ITGA8: variants seen among roughly 807,000 people sequenced by gnomAD.
ITGA8 encodes integrin alpha-8.
A neutral mutation model predicts 142.3 loss-of-function variants in ITGA8; 91 were observed. The ratio of observed to expected loss-of-function variants is 0.64; its 90% CI spans 0.54 to 0.76. ITGA8 has a LOEUF of 0.76. ITGA8 is among the 30% of genes least tolerant of loss of function. The probability of loss-of-function intolerance (pLI) is 0.00; values close to 1 mark genes in which losing one functional copy is unlikely to be tolerated. For missense variants in ITGA8, 1,406 were observed against 1,327.7 expected, an observed-to-expected ratio of 1.06 and a Z score of -0.92; for synonymous variants, 505 against 485.2, an observed-to-expected ratio of 1.04 and a Z score of -0.54.
At position 15,558,145 on chromosome 10, in the gene ITGA8, T is replaced by C. The variant is rs1009018078; in HGVS notation, c.2695A>G (p.Ile899Val). 9.9e-6 allele frequency: 16 copies of C among 1,614,096 alleles called. No individual in the cohort carries two copies. The highest frequency in any genetic ancestry group is 2.7e-5 in the African/African-American group (2 of 74,924). ...ELSAFLRNST[I>V]PHLVRKRDVH... ...TCCCTCTTCCTGACAAGATGAGGAA[T>C]AGTAGAGTTTCGCAAAAAGGCGCTG... The change falls in exon 26 of 30, where the codon ATT becomes GTT. Residue 899 changes from isoleucine to valine, a missense_variant. Transcript: ENST00000378076.
chr10:15,640,968 G>A (rs1398691096), intron 13 of ITGA8, among the ~76,000 whole-genome samples: 1 of 152,186 alleles, frequency 6.6e-6, no homozygotes, highest in Non-Finnish European at 1.5e-5. Context: ...TGATGGGTGT[G>A]AGCCAGATAT....
chr10:15,532,418 C>CAAAAAAAAAAAAA lies in ITGA8; in HGVS notation c.2881-1280_2881-1268dup. On this transcript the variant is annotated intron_variant, in intron 27 of 29. Coordinates refer to ENST00000378076, the MANE Select transcript of ITGA8 (RefSeq NM_003638.3). ...TGCGCAACCGAGTGAGACTCCCTCT[C>CAAAAAAAAAAAAA]AAAAAAAAAAAAAAAAAAAAAAAAA... 1.9e-3 allele frequency among the ~76,000 whole-genome samples: 54 copies of CAAAAAAAAAAAAA among 27,840 alleles called. 8 individuals carry two copies. Among genetic ancestry groups the CAAAAAAAAAAAAA allele is most frequent in the African/African-American group, 0.01 (48 of 4,758 alleles). The allele number at this position is 27,840 out of a possible 152,430, so 18.3% of individuals were successfully genotyped here. A position where few individuals can be genotyped will look rare whatever the true frequency, so the allele number is the denominator to read the frequency against.
At chr10:15,673,313 G>C (rs549137844) in intron 6 of ITGA8, among the ~76,000 whole-genome samples, 1 of 152,260 alleles carries the variant, frequency 6.6e-6, no homozygotes, top group South Asian at 2.1e-4. Context: ...TCAAATTCCT[G>C]ACTTCGTGAT....
At chr10:15,689,803 A>G (rs954839590) in intron 2 of ITGA8, among the ~76,000 whole-genome samples, 22 of 152,056 alleles carry the variant, frequency 1.4e-4, no homozygotes, top group Admixed American at 3.9e-4. Context: ...GCAGCTCCCT[A>G]CGCTCTGGGC....
chr10:15,541,915 A>AGCCAG (rs1833576426), intron 27 of ITGA8, among the ~76,000 whole-genome samples: 1 of 152,200 alleles, frequency 6.6e-6, no homozygotes, highest in African/African-American at 2.4e-5. Context: ...TTTGAATTAA[A>AGCCAG]GCCAGTACAT....
intron 4 of ITGA8, among the ~76,000 whole-genome samples, chr10:15,679,989 C>A (rs1019971535): frequency 6.6e-6 from 1 of 152,132 alleles, no homozygotes; most frequent in East Asian, 1.9e-4. Context: ...ATAATTATTT[C>A]TTTCTTATCA....
At chr10:15,548,697 G>A (rs1833728417) in intron 26 of ITGA8, 129 bp from the exon 27 acceptor site, 1 of 569,448 alleles carries the variant, frequency 1.8e-6, no homozygotes, top group Non-Finnish European at 3.0e-6. Context: ...TGTAAATAAA[G>A]AACAATATAT....
chr10:15,621,885 C>T (rs10795311), intron 13 of ITGA8, among the ~76,000 whole-genome samples: 102,869 of 151,954 alleles, frequency 0.68, 36,272 homozygotes, highest in South Asian at 0.86. Context: ...CAGCTGGGCA[C>T]GGTGGCTCAT....
At chr10:15,527,373 C>T (rs1833195103) in intron 28 of ITGA8, among the ~76,000 whole-genome samples, 3 of 152,116 alleles carry the variant, frequency 2.0e-5, no homozygotes, top group Admixed American at 2.0e-4. Flanking sequence ...TAATAACCAC[C>T]TTTGGAATTA....
In ITGA8 at chr10:15,697,440, G is replaced by C. The variant is rs573674429; in HGVS notation, c.344-9402C>G. Reference sequence around the variant, plus strand: ...ATTCCTCTTCCCTCCTCCCCGTCCAGAGGTTGCCACCATCAGGAATTAAAT... The same window carrying C: ...ATTCCTCTTCCCTCCTCCCCGTCCACAGGTTGCCACCATCAGGAATTAAAT... On this transcript the variant is annotated intron_variant, in intron 2 of 29. Transcript: ENST00000378076. 2.6e-5 allele frequency among the ~76,000 whole-genome samples: 4 copies of C among 152,290 alleles called. No homozygotes were observed. The South Asian group carries it at 8.3e-4, about 32-fold the overall frequency.
chr10:15,648,053 T>C (rs1446237444), intron 11 of ITGA8, among the ~76,000 whole-genome samples: 1 of 152,206 alleles, frequency 6.6e-6, no homozygotes, highest in Non-Finnish European at 1.5e-5. Context: ...TGGTTACAGG[T>C]ATTTCCTTCA....
At chr10:15,568,186 A>G (rs1475242913) in intron 25 of ITGA8, among the ~76,000 whole-genome samples, 1 of 152,142 alleles carries the variant, frequency 6.6e-6, no homozygotes, top group Non-Finnish European at 1.5e-5. Context: ...AGCTTCCCAA[A>G]GAGTTGGGAT....
intron 13 of ITGA8, among the ~76,000 whole-genome samples, chr10:15,643,630 C>T (rs375746706): frequency 6.6e-6 from 1 of 152,134 alleles, no homozygotes; most frequent in South Asian, 2.1e-4. Context: ...ATGACAGACA[C>T]GTTGAGGTTC....
chr10:15,654,307 A>G (rs946750153), intron 11 of ITGA8, among the ~76,000 whole-genome samples: 9 of 152,090 alleles, frequency 5.9e-5, no homozygotes, highest in African/African-American at 2.2e-4. Context: ...CTCTTTACTC[A>G]TTTAATTTTT....
intron 6 of ITGA8, 43 bp from the exon 7 acceptor site, chr10:15,672,792 A>G (rs1438108804): frequency 6.5e-7 from 1 of 1,531,606 alleles, no homozygotes; most frequent in Non-Finnish European, 8.8e-7. Flanking sequence ...TGAAAGCAAG[A>G]GGCAGGCCCT....
At chr10:15,627,367 C>T (rs900855596) in intron 13 of ITGA8, among the ~76,000 whole-genome samples, 3 of 152,218 alleles carry the variant, frequency 2.0e-5, no homozygotes, top group Non-Finnish European at 4.4e-5. Flanking sequence ...AGACAAGCTT[C>T]ACCTGCTTCA....
chr10:15,689,766 C>A (rs1309034170), intron 2 of ITGA8, among the ~76,000 whole-genome samples: 1 of 152,168 alleles, frequency 6.6e-6, no homozygotes, highest in Non-Finnish European at 1.5e-5. Flanking sequence ...AGACACACAG[C>A]GTGCACCAAT....
chr10:15,668,875 C>G (rs1474831023), intron 8 of ITGA8, among the ~76,000 whole-genome samples: 2 of 152,220 alleles, frequency 1.3e-5, no homozygotes, highest in Admixed American at 6.5e-5. Context: ...AGTAGAGTTT[C>G]TGCTGAGAGA....
chr10:15,588,102 T>C lies in ITGA8; in HGVS notation c.2292-1438A>G, dbSNP rs1227228239. ...ATCATCAAACCTCACTCTGATTCGA[T>C]GGACAAGCTCTAGCACCAAGATGAT... is the stretch of plus-strand genomic sequence containing the variant. On this transcript the variant is annotated intron_variant, in intron 22 of 29. Transcript: ENST00000378076. Among the ~76,000 whole-genome samples, 6 of 152,252 alleles carry C rather than the reference T, an allele frequency of 3.9e-5. No individual in the cohort carries two copies. In the East Asian group the frequency reaches 9.7e-4, roughly 25 times the overall value.
Sources: gnomAD v4.1 joint callset for allele counts (sites outside exome capture counted in the v4.1 genomes callset) on GRCh38, gnomAD v4.1.1 for gene constraint, MANE v1.5 for transcripts, NCBI Gene and HGNC (gene_info 2026-07-23, HGNC 2026-07-21) for gene names.